FBXL13: variants seen among roughly 807,000 people sequenced by gnomAD.
FBXL13 encodes F-box and leucine rich repeat protein 13.
Under a neutral mutation model 83.6 loss-of-function variants are expected in FBXL13, and 67 were observed. That is an observed-to-expected ratio of 0.80 (90% CI 0.66 to 0.98). FBXL13 has a LOEUF of 0.98. Ranked by LOEUF, FBXL13 falls within the 50% of genes least tolerant of loss-of-function variation. The pLI, the probability that FBXL13 is intolerant of heterozygous loss-of-function variation, is 0.00. For synonymous variants in FBXL13, 272 were observed against 299.5 expected (o/e 0.91, Z 0.95); for missense variants, 822 against 866.5 (o/e 0.95, Z 0.64).
At chr7:103,020,624 C>A (rs1157145467) in intron 6 of FBXL13, among the ~76,000 whole-genome samples, 1 of 152,206 alleles carries the variant, frequency 6.6e-6, no homozygotes, top group Non-Finnish European at 1.5e-5. Flanking sequence ...TGATAAGCAA[C>A]TTCAGCAAAG....
chr7:102,954,123 G>A (rs1294790817), intron 8 of FBXL13, among the ~76,000 whole-genome samples: 2 of 152,174 alleles, frequency 1.3e-5, no homozygotes, highest in African/African-American at 4.8e-5. Flanking sequence ...AAGCAGGGCA[G>A]AGCATCGCCT....
intron 6 of FBXL13, among the ~76,000 whole-genome samples, chr7:102,974,372 A>G (rs1827179254): frequency 2.0e-5 from 3 of 152,186 alleles, no homozygotes. Context: ...CCTGGGCGAC[A>G]GAGTGAGAGT....
In FBXL13 at chr7:102,883,290, T is replaced by G. The variant is rs759671389; in HGVS notation, c.1388+15A>C. ...AATCAACGTTTCTTGAATATATTAC[T>G]GAATGACTCATTACCTTACACAATT... On this transcript the variant is annotated intron_variant, in intron 14 of 19. Coordinates refer to ENST00000313221, the Ensembl canonical transcript of FBXL13. The G allele has an allele frequency of 2.5e-6, 4 of 1,603,392 alleles. No homozygotes were observed. Among genetic ancestry groups the G allele is most frequent in the Non-Finnish European group, 3.4e-6 (4 of 1,176,644 alleles).
chr7:102,878,331 C>T (rs764336918), exon 15 of FBXL13: 28 of 1,593,960 alleles, frequency 1.8e-5, no homozygotes, highest in East Asian at 1.4e-4. Context: ...TTTATCATAC[C>T]GCTCAGATAG....
chr7:102,881,148 C>T (rs902873733), intron 14 of FBXL13, among the ~76,000 whole-genome samples: 1 of 152,012 alleles, frequency 6.6e-6, no homozygotes, highest in Non-Finnish European at 1.5e-5. Context: ...AGAAAACTTC[C>T]ATTTAAGATT....
At chr7:102,933,978 G>A (rs772251727) in intron 8 of FBXL13, 1 of 1,614,138 alleles carries the variant, frequency 6.2e-7, no homozygotes, top group South Asian at 1.1e-5. Flanking sequence ...CGCAAAGCAA[G>A]CCCAGGCAGT....
chr7:103,064,221 C>T (rs559259340), intron 1 of FBXL13, among the ~76,000 whole-genome samples: 10 of 152,354 alleles, frequency 6.6e-5, no homozygotes, highest in African/African-American at 2.2e-4. Context: ...CCCCATGACC[C>T]TATACCTTCT....
chr7:102,987,556 A>T (rs1829119044), intron 6 of FBXL13, among the ~76,000 whole-genome samples: 1 of 152,232 alleles, frequency 6.6e-6, no homozygotes, highest in African/African-American at 2.4e-5. Context: ...TGCATTTTAT[A>T]CGAATTTGAA....
At chr7:103,022,010 G>A (rs1793239415) in intron 6 of FBXL13, among the ~76,000 whole-genome samples, 1 of 152,128 alleles carries the variant, frequency 6.6e-6, no homozygotes, top group South Asian at 2.1e-4. Context: ...AAATCATGCT[G>A]CTATAAAGAC....
chr7:102,959,076 TA>T (rs1824758307), intron 8 of FBXL13, among the ~76,000 whole-genome samples: 1 of 151,942 alleles, frequency 6.6e-6, no homozygotes, highest in Non-Finnish European at 1.5e-5. Context: ...TGAATGAAAA[TA>T]AAACTGTCAA....
intron 2 of FBXL13, chr7:103,046,786 G>C (rs976721080): frequency 6.6e-6 from 1 of 152,186 alleles, no homozygotes; most frequent in Admixed American, 6.5e-5. Flanking sequence ...ATTCTGGGGA[G>C]AAACTTTCCT....
At chr7:102,904,257 T>C (rs1443334881) in intron 11 of FBXL13, among the ~76,000 whole-genome samples, 1 of 152,062 alleles carries the variant, frequency 6.6e-6, no homozygotes, top group African/African-American at 2.4e-5. Flanking sequence ...GTCCCTTTCT[T>C]CCAGATTTTC....
rs111425026 is a variant in FBXL13, at chr7:102,923,685, G to A, written c.878+2589C>T. On this transcript the variant is annotated intron_variant, in intron 10 of 19. Coordinates refer to ENST00000313221, the Ensembl canonical transcript of FBXL13. ...AAAATACAAAAAAACTTAGCCAGGC[G>A]TGGTGGCGGGCGCCTGTAATCCCAG... 1.4e-4 allele frequency among the ~76,000 whole-genome samples: 21 copies of A among 152,120 alleles called. No individual in the cohort carries two copies. In the East Asian group the frequency reaches 1.9e-3, roughly 14 times the overall value.
At chr7:102,926,835 T>C (rs1158218438) in intron 9 of FBXL13, among the ~76,000 whole-genome samples, 2 of 152,256 alleles carry the variant, frequency 1.3e-5, no homozygotes, top group African/African-American at 2.4e-5. Context: ...TATACATTTA[T>C]ACATAGATGT....
In FBXL13 at chr7:102,813,322, T is replaced by C. The variant is rs114315743; in HGVS notation, c.*20A>G. 526 of 1,571,244 alleles carry C rather than the reference T, an allele frequency of 3.3e-4. 2 individuals are homozygous for C. The African/African-American group carries it at 6.5e-3, about 19-fold the overall frequency. On this transcript the variant is annotated 3_prime_UTR_variant, in exon 20 of 20. Coordinates refer to ENST00000313221, the Ensembl canonical transcript of FBXL13. ...TTGCCAAGTTCTTGATTTTTTGTTC[T>C]TCCTGCTTGAGGCTGAAGGTCACGC...
chr7:102,966,858 A>G (rs545313567), intron 7 of FBXL13, among the ~76,000 whole-genome samples: 4 of 152,354 alleles, frequency 2.6e-5, no homozygotes, highest in African/African-American at 7.2e-5. Context: ...AGCTGACAGT[A>G]TTAGCAATAT....
intron 2 of FBXL13, among the ~76,000 whole-genome samples, chr7:103,044,194 A>G (rs547983963): frequency 5.9e-5 from 9 of 152,342 alleles, no homozygotes; most frequent in Non-Finnish European, 1.3e-4. Context: ...AACCTGGGAC[A>G]TTTTACAAGA....
chr7:102,883,408 T>C, exon 14 of FBXL13: 1 of 1,613,680 alleles, frequency 6.2e-7, no homozygotes, highest in Non-Finnish European at 8.5e-7. Context: ...TAAATGTGAC[T>C]GAGATTTGGA....
chr7:103,028,794 G>A, intron 3 of FBXL13, 46 bp from the exon 5 acceptor site: 1 of 1,420,034 alleles, frequency 7.0e-7, no homozygotes, highest in Non-Finnish European at 9.4e-7. Flanking sequence ...TTGATATTAG[G>A]GCAATATATC....
Sources: gnomAD v4.1 joint callset for allele counts (sites outside exome capture counted in the v4.1 genomes callset) on GRCh38, gnomAD v4.1.1 for gene constraint, MANE v1.5 for transcripts, NCBI Gene and HGNC (gene_info 2026-07-23, HGNC 2026-07-21) for gene names.